The following OSBPL9 variants were observed in gnomAD, a reference collection of about 807,000 sequenced individuals.
The protein encoded by OSBPL9 is oxysterol binding protein like 9, also known as oxysterol-binding protein-related protein 9.
OSBPL9 carries 40 observed loss-of-function variants against 106.6 expected under a neutral mutation model. That is an observed-to-expected ratio of 0.38 (90% CI 0.29 to 0.49). The LOEUF (loss-of-function observed/expected upper bound fraction) is 0.49, where lower values mean the gene tolerates loss of function less well. OSBPL9 is among the 20% of genes least tolerant of loss of function. The probability of loss-of-function intolerance (pLI) is 0.97; values close to 1 mark genes in which losing one functional copy is unlikely to be tolerated. For missense variants in OSBPL9, 609 were observed against 887.2 expected, an observed-to-expected ratio of 0.69 and a Z score of 3.98; for synonymous variants, 269 against 295.4, an observed-to-expected ratio of 0.91 and a Z score of 0.92.
At position 51,780,349 on chromosome 1, in the gene OSBPL9, C is replaced by G. The variant is rs189042190; in HGVS notation, c.1257-815C>G. Among the ~76,000 whole-genome samples, 42 of 152,242 alleles carry G rather than the reference C, an allele frequency of 2.8e-4. No individual in the cohort carries two copies. In the South Asian group the frequency reaches 5.6e-3, roughly 20 times the overall value. Reference sequence around the variant, plus strand: ...CTGAAAGTAGATCCACCATTTGATTCAGCAGTCCCACTCCTGGGTATTTAC... The same window carrying G: ...CTGAAAGTAGATCCACCATTTGATTGAGCAGTCCCACTCCTGGGTATTTAC... On this transcript the variant is annotated intron_variant, in intron 15 of 23. Coordinates refer to ENST00000428468, the MANE Select transcript of OSBPL9 (RefSeq NM_024586.6).
chr1:51,642,154 A>G (rs1645841615), intron 1 of OSBPL9, among the ~76,000 whole-genome samples: 1 of 152,178 alleles, frequency 6.6e-6, no homozygotes, highest in South Asian at 2.1e-4. Flanking sequence ...AGAAGCTTCA[A>G]ATTACTGGCT....
intron 12 of OSBPL9, among the ~76,000 whole-genome samples, chr1:51,766,706 T>C (rs1281648278): frequency 1.3e-5 from 2 of 151,376 alleles, no homozygotes; most frequent in South Asian, 4.2e-4. Flanking sequence ...GCAAGTCTAC[T>C]TACAGGGAAA....
chr1:51,703,576 T>C (rs960850137), intron 3 of OSBPL9, among the ~76,000 whole-genome samples: 4 of 152,232 alleles, frequency 2.6e-5, no homozygotes, highest in African/African-American at 9.6e-5. Context: ...TACACAATCA[T>C]GTATCAAGTC....
chr1:51,611,498 G>T (rs1304340646), intron 2 of OSBPL9, among the ~76,000 whole-genome samples: 1 of 152,156 alleles, frequency 6.6e-6, no homozygotes, highest in Non-Finnish European at 1.5e-5. Context: ...AGGAAGAGAA[G>T]ACAGCAAACC....
chr1:51,575,766 A>T (rs1375105568), upstream of OSBPL9, among the ~76,000 whole-genome samples: 2 of 152,226 alleles, frequency 1.3e-5, no homozygotes, highest in African/African-American at 2.4e-5. Context: ...GTGCAAGAAG[A>T]TCACTCTGAC....
chr1:51,777,333 C>T lies in OSBPL9; in HGVS notation c.1256+415C>T, dbSNP rs532960214. ...TTGGAGAAAGGAAAAGTCATGTCTG[C>T]CCTTGAGCTTACAATATAGTATCCA... On this transcript the variant is annotated intron_variant, in intron 15 of 23. Coordinates refer to ENST00000428468, the MANE Select transcript of OSBPL9 (RefSeq NM_024586.6). Among the ~76,000 whole-genome samples, 27 of 152,220 alleles carry T rather than the reference C, an allele frequency of 1.8e-4. No homozygotes were observed. In the Middle Eastern group the frequency reaches 0.01, roughly 58 times the overall value.
In OSBPL9 at chr1:51,772,149, A is replaced by C. The variant is rs753609900; in HGVS notation, c.1018A>C (p.Asn340His). ...LKRPDTTESLNSSLSNGTSDA... is the reference protein window; with the variant it reads ...LKRPDTTESLHSSLSNGTSDA... Reference sequence around the variant, plus strand: ...ACGCCCAGATACCACAGAATCACTTAATTCTTCCTTGTCCAATGGAACAAG... The same window carrying C: ...ACGCCCAGATACCACAGAATCACTTCATTCTTCCTTGTCCAATGGAACAAG... Residue 340 changes from asparagine to histidine, a missense_variant, in exon 13 of 24, where the codon AAT (asparagine) becomes CAT (histidine). By Grantham distance (68) the Asn-to-His change is moderately conservative. Transcript: ENST00000428468. 6.2e-7 allele frequency: 1 copy of C among 1,613,732 alleles called. No individual in the cohort carries two copies. Among genetic ancestry groups the C allele is most frequent in the African/African-American group, 1.3e-5 (1 of 74,912 alleles).
chr1:51,720,508 T>C (rs1661892367), intron 4 of OSBPL9, among the ~76,000 whole-genome samples: 1 of 151,992 alleles, frequency 6.6e-6, no homozygotes, highest in Non-Finnish European at 1.5e-5. Flanking sequence ...TGTATTTTAG[T>C]AGAGGCGGGG....
chr1:51,520,829 G>A, the OSBPL9 span, among the ~76,000 whole-genome samples: 2 of 152,242 alleles, frequency 1.3e-5, no homozygotes, highest in African/African-American at 4.8e-5. Context: ...CAGCTAACAA[G>A]AGCAAGCCAT....
intron 2 of OSBPL9, among the ~76,000 whole-genome samples, chr1:51,601,511 C>T (rs999783508): frequency 6.6e-6 from 1 of 152,238 alleles, no homozygotes; most frequent in Non-Finnish European, 1.5e-5. Context: ...CTTGTCCCAT[C>T]ACATCTGGAA....
chr1:51,758,250 A>T (rs1213765204), intron 9 of OSBPL9, among the ~76,000 whole-genome samples: 1 of 152,106 alleles, frequency 6.6e-6, no homozygotes, highest in African/African-American at 2.4e-5. Context: ...CATTCTACAA[A>T]ATAGAATGAG....
intron 11 of OSBPL9, among the ~76,000 whole-genome samples, 161 bp downstream of exon 11, chr1:51,762,132 A>T (rs1671651739): frequency 6.6e-6 from 1 of 152,204 alleles, no homozygotes; most frequent in African/African-American, 2.4e-5. Context: ...TGAAGTGGTT[A>T]GCTTTGTGTT....
chr1:51,530,076 C>A, the OSBPL9 span, among the ~76,000 whole-genome samples: 1 of 144,310 alleles, frequency 6.9e-6, no homozygotes, highest in Non-Finnish European at 1.5e-5. Flanking sequence ...GAGGCTGAGG[C>A]AGGAGAATGG....
chr1:51,612,448 A>G (rs1643995167), upstream of OSBPL9, among the ~76,000 whole-genome samples: 1 of 152,164 alleles, frequency 6.6e-6, no homozygotes, highest in South Asian at 2.1e-4. Context: ...TTTTTCTGCT[A>G]TGCATCAGCT....
At chr1:51,754,864 A>G (rs1669995276) in intron 8 of OSBPL9, among the ~76,000 whole-genome samples, 1 of 152,080 alleles carries the variant, frequency 6.6e-6, no homozygotes, top group Admixed American at 6.5e-5. Flanking sequence ...GTGCAGTGTC[A>G]CAATCATAAA....
Position 51,772,145 on chromosome 1 carries a change from A to G in OSBPL9, c.1014A>G (p.Ser338=). The part of the protein sequence containing the change: ...NSLKRPDTTE[S]LNSSLSNGTS... ...TAAAACGCCCAGATACCACAGAATCACTTAATTCTTCCTTGTCCAATGGAA... is the reference window on the plus strand; with the variant it reads ...TAAAACGCCCAGATACCACAGAATCGCTTAATTCTTCCTTGTCCAATGGAA... The change falls in exon 13 of 24, where the codon TCA becomes TCG. Residue 338 remains serine, a synonymous_variant. Coordinates refer to ENST00000428468, the MANE Select transcript of OSBPL9 (RefSeq NM_024586.6). The G allele has an allele frequency of 6.2e-7, 1 of 1,613,964 alleles. No individual in the cohort carries two copies. Among genetic ancestry groups the G allele is most frequent in the Non-Finnish European group, 8.5e-7 (1 of 1,179,848 alleles).
chr1:51,646,770 A>G (rs984943010), intron 1 of OSBPL9, among the ~76,000 whole-genome samples: 1 of 152,116 alleles, frequency 6.6e-6, no homozygotes, highest in Non-Finnish European at 1.5e-5. Context: ...TCTGACCTCA[A>G]GTGATCCACC....
At chr1:51,641,927 A>G (rs1046690694) in intron 1 of OSBPL9, among the ~76,000 whole-genome samples, 1 of 152,228 alleles carries the variant, frequency 6.6e-6, no homozygotes, top group Non-Finnish European at 1.5e-5. Flanking sequence ...GTTTGGAATC[A>G]GCATTCCTTA....
intron 1 of OSBPL9, among the ~76,000 whole-genome samples, chr1:51,627,805 C>T (rs2148644020): frequency 6.6e-6 from 1 of 152,114 alleles, no homozygotes; most frequent in East Asian, 1.9e-4. Context: ...GTTAGTCCAT[C>T]TTGCATTTAC....
Sources: allele counts gnomAD v4.1 joint callset (sites outside exome capture counted in the v4.1 genomes callset), GRCh38; gene constraint gnomAD v4.1.1; transcripts MANE v1.5; gene names NCBI Gene and HGNC (gene_info 2026-07-23, HGNC 2026-07-21).